The following PDZD9 variants were observed in gnomAD, a reference collection of about 807,000 sequenced individuals.
The protein encoded by PDZD9 is PDZ domain-containing protein 9.
Under a neutral mutation model 16.3 loss-of-function variants are expected in PDZD9, and 13 were observed. That is an observed-to-expected ratio of 0.80 (90% CI 0.52 to 1.27). The LOEUF (loss-of-function observed/expected upper bound fraction) is 1.27, where lower values mean the gene tolerates loss of function less well. Ranked by LOEUF, PDZD9 falls within the 50% of genes most tolerant of loss-of-function variation. PDZD9 has a pLI of 0.00. For missense variants in PDZD9, 288 were observed against 310.9 expected (o/e 0.93, Z 0.55); for synonymous variants, 120 against 111.0 (o/e 1.08, Z -0.51).
At chr16:21,976,148 C>G in the PDZD9 span, 1 of 1,607,318 alleles carries the variant, frequency 6.2e-7, no homozygotes, top group Non-Finnish European at 8.5e-7. Context: ...AGATGACCAA[C>G]TTTTCTTATC....
At position 22,001,114 on chromosome 16, in the gene PDZD9, AAC is replaced by A. The variant is rs1899291379; in HGVS notation, c.-69_-68del. On this transcript the variant is annotated 5_prime_UTR_variant, in exon 1 of 4. Coordinates refer to ENST00000424898, the MANE Select transcript of PDZD9 (RefSeq NM_001363519.1). The stretch of plus-strand genomic sequence containing the variant: ...AGAGGCTGGAGTCAGTCCCAATGCC[AAC>A]AGTTTCGAACCTTGCCCGCGGGCAC... 4 of 1,353,468 alleles carry A rather than the reference AAC, an allele frequency of 3.0e-6. No individual in the cohort carries two copies. Among genetic ancestry groups the A allele is most frequent in the Admixed American group, 3.1e-5 (1 of 31,974 alleles). 83.8% of individuals were successfully genotyped at this position (1,353,468 alleles called of 1,614,324 possible). A position where few individuals can be genotyped will look rare whatever the true frequency, so the allele number is the denominator to read the frequency against.
rs1177569589 is a variant in PDZD9, at chr16:21,984,748, A to C, written c.402-88T>G. On this transcript the variant is annotated intron_variant, in intron 3 of 3. Transcript: ENST00000424898. Reference sequence around the variant, plus strand: ...ACAAGATGCCTTATAACTTGCTTTGACTCATAAAAGATACAATTTAGCTTT... The same window carrying C: ...ACAAGATGCCTTATAACTTGCTTTGCCTCATAAAAGATACAATTTAGCTTT... The C allele has an allele frequency of 1.5e-5, 16 of 1,056,788 alleles. No individual in the cohort carries two copies. In the East Asian group the frequency reaches 3.7e-4, roughly 24 times the overall value. The allele number at this position is 1,056,788 out of a possible 1,614,324, so 65.5% of individuals were successfully genotyped here. A position where few individuals can be genotyped will look rare whatever the true frequency, so the allele number is the denominator to read the frequency against.
At chr16:21,975,947 T>G in the PDZD9 span, among the ~76,000 whole-genome samples, 4 of 152,118 alleles carry the variant, frequency 2.6e-5, no homozygotes, top group Admixed American at 2.6e-4. Flanking sequence ...AGTCCCAGCT[T>G]CTTGGGAGGC....
chr16:21,961,670 T>TATATA, the PDZD9 span, among the ~76,000 whole-genome samples: 18 of 48,730 alleles, frequency 3.7e-4, no homozygotes, highest in Non-Finnish European at 1.1e-3. Context: ...ATATATATAT[T>TATATA]TTAGACAGTC....
At chr16:21,972,348 G>C in the PDZD9 span, among the ~76,000 whole-genome samples, 1 of 152,258 alleles carries the variant, frequency 6.6e-6, no homozygotes, top group East Asian at 1.9e-4. Flanking sequence ...AAGAGGAATT[G>C]AATGCTTAGA....
intron 3 of PDZD9, among the ~76,000 whole-genome samples, chr16:21,987,203 T>C (rs1898896332): frequency 6.6e-6 from 1 of 152,168 alleles, no homozygotes; most frequent in Admixed American, 6.5e-5. Flanking sequence ...GCAGATCACC[T>C]GAGGTCAGGA....
At chr16:21,959,839 T>G in the PDZD9 span, 1 of 152,240 alleles carries the variant, frequency 6.6e-6, no homozygotes, top group Non-Finnish European at 1.5e-5. Flanking sequence ...AATCTCCTTG[T>G]ACATCTGCAT....
At chr16:21,977,041 G>A in the PDZD9 span, 1 of 152,100 alleles carries the variant, frequency 6.6e-6, no homozygotes, top group Admixed American at 6.6e-5. Flanking sequence ...GTTAGAGTGT[G>A]TGTATGTGTG....
the PDZD9 span, chr16:21,968,744 T>G: frequency 1.4e-6 from 2 of 1,471,978 alleles, no homozygotes; most frequent in Non-Finnish European, 1.8e-6. Flanking sequence ...TTCCTTAAAC[T>G]GTAATTACGT....
intron 2 of PDZD9, among the ~76,000 whole-genome samples, 157 bp from the exon 3 acceptor site, chr16:21,988,948 T>G (rs74718891): frequency 2.0e-5 from 3 of 149,708 alleles, no homozygotes; most frequent in Non-Finnish European, 3.0e-5. Flanking sequence ...TTTTTTTTTT[T>G]GAGATGAAGT....
chr16:21,972,010 C>T, the PDZD9 span: 1 of 1,614,134 alleles, frequency 6.2e-7, no homozygotes, highest in East Asian at 2.2e-5. Context: ...GAGGCAAATG[C>T]ATTTAGTGTT....
the PDZD9 span, among the ~76,000 whole-genome samples, chr16:21,960,871 C>G: frequency 6.6e-6 from 1 of 152,026 alleles, no homozygotes; most frequent in Non-Finnish European, 1.5e-5. Context: ...TGCTCTGTTT[C>G]CCAGGCTGGA....
At chr16:21,997,328 G>T (rs1899176703) in intron 1 of PDZD9, among the ~76,000 whole-genome samples, 1 of 152,162 alleles carries the variant, frequency 6.6e-6, no homozygotes, top group African/African-American at 2.4e-5. Flanking sequence ...TTTGAATTAA[G>T]GCCAAAAGGA....
chr16:21,972,916 A>G, the PDZD9 span, among the ~76,000 whole-genome samples: 6 of 152,354 alleles, frequency 3.9e-5, no homozygotes, highest in African/African-American at 1.4e-4. Flanking sequence ...CCTGGCTAAC[A>G]CAGTGAAACC....
the PDZD9 span, among the ~76,000 whole-genome samples, chr16:21,978,556 T>A: frequency 1.3e-5 from 2 of 152,152 alleles, no homozygotes; most frequent in Non-Finnish European, 2.9e-5. Context: ...CACAGACAAA[T>A]CTCAGCAAGA....
intron 2 of PDZD9, among the ~76,000 whole-genome samples, chr16:21,994,067 C>G (rs552061845): frequency 6.6e-6 from 1 of 152,208 alleles, no homozygotes; most frequent in African/African-American, 2.4e-5. Flanking sequence ...CATGGTGGTG[C>G]ACGCCTGAGT....
the PDZD9 span, among the ~76,000 whole-genome samples, chr16:21,970,381 T>C: frequency 1.3e-5 from 2 of 152,218 alleles, no homozygotes; most frequent in African/African-American, 4.8e-5. Context: ...TTTTCCAAAG[T>C]AGCTGCACCA....
the PDZD9 span, chr16:21,971,716 G>C: frequency 5.1e-6 from 7 of 1,376,944 alleles, no homozygotes; most frequent in African/African-American, 1.0e-4. Flanking sequence ...ATTTACTACT[G>C]AACAGTCTCG....
At chr16:21,971,655 G>C in the PDZD9 span, 1 of 1,598,380 alleles carries the variant, frequency 6.3e-7, no homozygotes, top group Non-Finnish European at 8.6e-7. Context: ...TAATTTATCA[G>C]AAGGGCGTTT....
Sources: gnomAD v4.1 joint callset for allele counts (sites outside exome capture counted in the v4.1 genomes callset) on GRCh38, gnomAD v4.1.1 for gene constraint, MANE v1.5 for transcripts, NCBI Gene and HGNC (gene_info 2026-07-23, HGNC 2026-07-21) for gene names.